ADGRE3: variants seen among roughly 807,000 people sequenced by gnomAD.
ADGRE3 encodes the protein EGF-like module receptor 3.
A neutral mutation model predicts 80.1 loss-of-function variants in ADGRE3; 88 were observed. That is an observed-to-expected ratio of 1.10 (90% CI 0.93 to 1.31). The LOEUF (loss-of-function observed/expected upper bound fraction) is 1.31, where lower values mean the gene tolerates loss of function less well. Among genes scored for constraint, ADGRE3 ranks in the 40% most tolerant of loss-of-function variants. ADGRE3 has a pLI of 0.00. For missense variants in ADGRE3, 715 were observed against 776.5 expected, an observed-to-expected ratio of 0.92 and a Z score of 0.94; for synonymous variants, 281 against 294.8, an observed-to-expected ratio of 0.95 and a Z score of 0.48.
chr19:14,604,952 A>G, the ADGRE3 span, among the ~76,000 whole-genome samples: 1 of 152,122 alleles, frequency 6.6e-6, no homozygotes, highest in African/African-American at 2.4e-5. Context: ...TGTTACTCAC[A>G]CCCAAACAGC....
the ADGRE3 span, among the ~76,000 whole-genome samples, chr19:14,601,814 A>G: frequency 1.3e-5 from 2 of 152,102 alleles, no homozygotes; most frequent in East Asian, 3.9e-4. Flanking sequence ...ACTTTTTGAG[A>G]TGGAGTCTCG....
rs1376828466 is a variant in ADGRE3 at position 14,638,280 on chromosome 19, T to C, written c.1309A>G (p.Met437Val). The C allele has an allele frequency of 6.2e-7, 1 of 1,613,946 alleles. No individual in the cohort carries two copies. Among genetic ancestry groups the C allele is most frequent in the East Asian group, 2.2e-5 (1 of 44,888 alleles). ...HYLYLAAFTW[M>V]LLEGVHLFLT... Reference sequence around the variant, plus strand: ...AAGAGGTGCACACCCTCCAGCAGCATCCAGGTGAAGGCGGCCAGGTAGAGA... The same window carrying C: ...AAGAGGTGCACACCCTCCAGCAGCACCCAGGTGAAGGCGGCCAGGTAGAGA... Residue 437 changes from methionine to valine, a missense_variant, in exon 11 of 16, where the codon ATG (methionine) becomes GTG (valine). Met to Val is a conservative substitution (Grantham distance 21). Transcript: ENST00000253673.
intron 5 of ADGRE3, among the ~76,000 whole-genome samples, chr19:14,657,730 CAT>C (rs1432988104): frequency 4.5e-5 from 3 of 67,026 alleles, no homozygotes; most frequent in Admixed American, 1.4e-4. Flanking sequence ...CCTATATATA[CAT>C]ATATATATAT....
intron 9 of ADGRE3, 42 bp from the exon 10 acceptor site, chr19:14,641,658 C>G: frequency 1.2e-6 from 2 of 1,602,036 alleles, no homozygotes; most frequent in Non-Finnish European, 1.7e-6. Context: ...CTTTCCTGCA[C>G]TGGGATTATG....
chr19:14,608,951 C>T, the ADGRE3 span, among the ~76,000 whole-genome samples: 1 of 152,032 alleles, frequency 6.6e-6, no homozygotes, highest in African/African-American at 2.4e-5. Flanking sequence ...AGGCGCCCGC[C>T]ACCATGCTTG....
chr19:14,617,344 T>TTCTTTCTTTC (rs2075084194), downstream of ADGRE3, among the ~76,000 whole-genome samples: 1 of 49,332 alleles, frequency 2.0e-5, no homozygotes, highest in East Asian at 5.8e-4. Context: ...CTCCCTCCCT[T>TTCTTTCTTTC]TCTTTCTTTC....
chr19:14,617,365 TCTTTCTTTCTTC>T (rs1197400114), downstream of ADGRE3, among the ~76,000 whole-genome samples: 294 of 124,960 alleles, frequency 2.4e-3, 6 homozygotes, highest in African/African-American at 6.9e-3. Flanking sequence ...TTTCTTTCTT[TCTTTCTTTCTTC>T]CTTTCTTTCT....
At chr19:14,602,612 G>A in the ADGRE3 span, among the ~76,000 whole-genome samples, 27 of 152,156 alleles carry the variant, frequency 1.8e-4, no homozygotes, top group African/African-American at 2.9e-4. Flanking sequence ...TTTTTAGACC[G>A]TTTACATTTA....
At chr19:14,646,399 C>T (rs1310323525) in intron 8 of ADGRE3, among the ~76,000 whole-genome samples, 1 of 152,072 alleles carries the variant, frequency 6.6e-6, no homozygotes, top group East Asian at 1.9e-4. Context: ...CAGGTGTGAC[C>T]TTTCTTCTTT....
At chr19:14,620,424 A>G in intron 15 of ADGRE3, among the ~76,000 whole-genome samples, 1 of 145,994 alleles carries the variant, frequency 6.8e-6, no homozygotes, top group African/African-American at 2.5e-5. Context: ...ATTCATGTAT[A>G]TATGAATATA....
At chr19:14,669,782 G>T (rs2146912731) in intron 1 of ADGRE3, among the ~76,000 whole-genome samples, 1 of 152,244 alleles carries the variant, frequency 6.6e-6, no homozygotes, top group South Asian at 2.1e-4. Context: ...GAGCCACTCT[G>T]CCCAGCCCAA....
chr19:14,656,774 C>T (rs1413660006), intron 5 of ADGRE3, among the ~76,000 whole-genome samples: 1 of 152,180 alleles, frequency 6.6e-6, no homozygotes, highest in African/African-American at 2.4e-5. Flanking sequence ...ATTTTACAGG[C>T]TGCTCTTTGT....
chr19:14,616,014 C>G (rs1423064430), downstream of ADGRE3, among the ~76,000 whole-genome samples: 1 of 150,196 alleles, frequency 6.7e-6, no homozygotes, highest in Non-Finnish European at 1.5e-5. Context: ...CCACTGTAAC[C>G]TCCGCCTCCC....
chr19:14,654,033 A>G (rs528857839), intron 6 of ADGRE3, among the ~76,000 whole-genome samples: 2 of 149,494 alleles, frequency 1.3e-5, no homozygotes, highest in Admixed American at 6.7e-5. Context: ...GCTCACTGCA[A>G]CCTCTGCCTC....
At chr19:14,627,342 C>T (rs1460232769) in intron 14 of ADGRE3, among the ~76,000 whole-genome samples, 1 of 152,086 alleles carries the variant, frequency 6.6e-6, no homozygotes, top group Non-Finnish European at 1.5e-5. Flanking sequence ...AGTGCTTATA[C>T]TCGTTATATA....
the ADGRE3 span, among the ~76,000 whole-genome samples, chr19:14,605,809 G>A: frequency 1.3e-5 from 2 of 152,088 alleles, no homozygotes; most frequent in Non-Finnish European, 2.9e-5. Flanking sequence ...TGCATTCATA[G>A]CTCACTGCAG....
At chr19:14,601,601 A>G in the ADGRE3 span, among the ~76,000 whole-genome samples, 4 of 152,148 alleles carry the variant, frequency 2.6e-5, no homozygotes, top group African/African-American at 9.6e-5. Context: ...ACATAGGACT[A>G]TAGTATGGTT....
chr19:14,637,345 G>C (rs569457964), intron 11 of ADGRE3, among the ~76,000 whole-genome samples: 24 of 151,146 alleles, frequency 1.6e-4, no homozygotes, highest in Admixed American at 9.9e-4. Context: ...AGATTGATTT[G>C]AGAGTCTTCT....
chr19:14,617,828 C>A (rs1472619261), downstream of ADGRE3, among the ~76,000 whole-genome samples: 1 of 151,784 alleles, frequency 6.6e-6, no homozygotes, highest in Non-Finnish European at 1.5e-5. Flanking sequence ...CCTGTGTGGT[C>A]TTCTAAGCCT....
Sources: gnomAD v4.1 joint callset for allele counts (sites outside exome capture counted in the v4.1 genomes callset) on GRCh38, gnomAD v4.1.1 for gene constraint, MANE v1.5 for transcripts, NCBI Gene and HGNC (gene_info 2026-07-23, HGNC 2026-07-21) for gene names.